The following PSG6 variants were observed in gnomAD, a reference collection of about 807,000 sequenced individuals.
PSG6 encodes the protein pregnancy specific beta-1-glycoprotein 6, also known as pregnancy-specific beta-1-glycoprotein 6.
In PSG6, 51 loss-of-function variants were observed where a neutral mutation model predicts 43.3. That is an observed-to-expected ratio of 1.18 (90% CI 0.94 to 1.49). The LOEUF is 1.49. Among genes scored for constraint, PSG6 ranks in the 40% most tolerant of loss-of-function variants. The pLI, the probability that PSG6 is intolerant of heterozygous loss-of-function variation, is 0.00. For synonymous variants in PSG6, 292 were observed against 197.6 expected, an observed-to-expected ratio of 1.48 and a Z score of -4.01; for missense variants, 770 against 522.2, an observed-to-expected ratio of 1.47 and a Z score of -4.62.
At chr19:42,910,300 C>T in intron 3 of PSG6, 1 of 794,574 alleles carries the variant, frequency 1.3e-6, no homozygotes, top group East Asian at 3.0e-5. Flanking sequence ...CAGCCAAATC[C>T]CCGCTGTGTT....
chr19:42,909,118 A>G (rs771594031), intron 3 of PSG6, among the ~76,000 whole-genome samples: 1 of 151,776 alleles, frequency 6.6e-6, no homozygotes, highest in African/African-American at 2.4e-5. Flanking sequence ...TGAAAGATTC[A>G]AAATGTAAAA....
At chr19:42,905,257 G>C (rs1972093702) in intron 5 of PSG6, among the ~76,000 whole-genome samples, 1 of 151,780 alleles carries the variant, frequency 6.6e-6, no homozygotes, top group Admixed American at 6.6e-5. Flanking sequence ...AAATAAAATG[G>C]ATAAATCAGA....
intron 3 of PSG6, chr19:42,910,206 T>C: frequency 2.5e-6 from 1 of 394,410 alleles, no homozygotes; most frequent in South Asian, 2.8e-5. Context: ...ACAGGCGATA[T>C]TGTCAGAGGG....
Position 42,907,778 on chromosome 19 carries a change from A to G in PSG6, c.783T>C (p.Cys261=), listed in dbSNP as rs547603021. 1.2e-6 allele frequency: 2 copies of G among 1,611,116 alleles called. No homozygotes were observed. Among genetic ancestry groups the G allele is most frequent in the Non-Finnish European group, 8.5e-7 (1 of 1,179,126 alleles). Residue 261 remains cysteine, a synonymous_variant, in exon 4 of 6, where the codon TGT becomes TGC. Transcript: ENST00000187910. ...AGGTGTAGTTCCGACTCTTAGGTTCACAGGTGAAGGCTAACACATCCTTCT... is the reference window on the plus strand; with the variant it reads ...AGGTGTAGTTCCGACTCTTAGGTTCGCAGGTGAAGGCTAACACATCCTTCT... ...REKKDVLAFT[C]EPKSRNYTYI...
intron 2 of PSG6, among the ~76,000 whole-genome samples, chr19:42,913,825 G>T (rs1328974139): frequency 6.6e-6 from 1 of 151,488 alleles, no homozygotes; most frequent in Non-Finnish European, 1.5e-5. Context: ...AGCACTAACA[G>T]ATCATTTCCC....
chr19:42,914,569 A>G (rs10408003), intron 2 of PSG6, among the ~76,000 whole-genome samples: 2,639 of 148,972 alleles, frequency 0.018, 85 homozygotes, highest in African/African-American at 0.062. Context: ...TGGCCAAAGA[A>G]CTTCAGAGTT....
intron 5 of PSG6, 40 bp from the exon 6 acceptor site, chr19:42,902,486 A>C (rs1204255426): frequency 1.2e-6 from 2 of 1,605,848 alleles, no homozygotes; most frequent in Non-Finnish European, 1.7e-6. Context: ...TTTCAAATTC[A>C]CTACCTCCTT....
intron 1 of PSG6, among the ~76,000 whole-genome samples, chr19:42,916,971 T>C (rs1428113207): frequency 2.0e-5 from 3 of 151,492 alleles, no homozygotes; most frequent in African/African-American, 7.3e-5. Context: ...GTGTGAGCTC[T>C]GTGAGGACAG....
intron 5 of PSG6, among the ~76,000 whole-genome samples, chr19:42,902,900 C>T (rs916022039): frequency 4.0e-5 from 6 of 151,494 alleles, no homozygotes; most frequent in South Asian, 2.1e-4. Context: ...TATGTGTTAC[C>T]GCTTTTTTCA....
rs143212498 is a variant in PSG6, at chr19:42,907,016, T to A, written c.1146A>T (p.Gln382His). The change falls in exon 5 of 6, where the codon CAA (glutamine) becomes CAT (histidine). Residue 382 changes from glutamine (Q) to histidine (H), a missense_variant. Physicochemically the swap from Gln to His is conservative, Grantham distance 24. Transcript: ENST00000187910. Reference sequence around the variant, plus strand: ...AGAGCCCGCTATGATTTGTAGTAATTTGGGGGATAAAGAGCTTTTGTCCTG... The same window carrying A: ...AGAGCCCGCTATGATTTGTAGTAATATGGGGGATAAAGAGCTTTTGTCCTG... ...QLSGQKLFIP[Q>H]ITTNHSGLYA... 9.3e-6 allele frequency: 15 copies of A among 1,612,342 alleles called. 1 individual carries two copies. In the East Asian group the frequency reaches 2.7e-4, roughly 29 times the overall value.
At chr19:42,911,591 C>T (rs1568445621) in intron 2 of PSG6, among the ~76,000 whole-genome samples, 1 of 151,684 alleles carries the variant, frequency 6.6e-6, no homozygotes, top group Non-Finnish European at 1.5e-5. Flanking sequence ...GTTCTGGGTC[C>T]ATGATGCTCC....
At chr19:42,907,506 A>C in intron 4 of PSG6, 70 bp downstream of exon 4, 5 of 1,595,418 alleles carry the variant, frequency 3.1e-6, no homozygotes, top group Non-Finnish European at 3.4e-6. Flanking sequence ...AGAGAGACTG[A>C]GAGGCCTGGC....
chr19:42,913,122 A>G (rs1033034719), intron 2 of PSG6, among the ~76,000 whole-genome samples: 2 of 151,498 alleles, frequency 1.3e-5, no homozygotes, highest in Non-Finnish European at 2.9e-5. Context: ...TGTGCGGTCT[A>G]TCAGTAAGCA....
intron 5 of PSG6, among the ~76,000 whole-genome samples, chr19:42,906,132 C>T (rs1972107565): frequency 6.6e-6 from 1 of 151,576 alleles, no homozygotes; most frequent in Admixed American, 6.6e-5. Flanking sequence ...CCATGCAGAG[C>T]CCCAGGGGTG....
chr19:42,908,682 G>T (rs563295545), intron 3 of PSG6, among the ~76,000 whole-genome samples: 2 of 151,886 alleles, frequency 1.3e-5, no homozygotes, highest in South Asian at 2.1e-4. Context: ...GCAGAACTGA[G>T]TGGTGGAAAG....
At chr19:42,909,645 A>G (rs933574152) in intron 3 of PSG6, 1 of 151,736 alleles carries the variant, frequency 6.6e-6, no homozygotes, top group Admixed American at 6.6e-5. Context: ...GGTTAAACTT[A>G]TTCCAAAATA....
intron 1 of PSG6, among the ~76,000 whole-genome samples, chr19:42,916,936 C>T (rs1972347862): frequency 6.6e-6 from 1 of 151,410 alleles, no homozygotes; most frequent in African/African-American, 2.4e-5. Context: ...TATCTCTTTG[C>T]ATGTCTGTCT....
At chr19:42,916,926 T>C (rs8101498) in intron 1 of PSG6, among the ~76,000 whole-genome samples, 3 of 151,130 alleles carry the variant, frequency 2.0e-5, no homozygotes, top group Non-Finnish European at 4.4e-5. Context: ...TCACATTCTA[T>C]ATCTCTTTGC....
chr19:42,913,676 A>G (rs1972269739), intron 2 of PSG6, among the ~76,000 whole-genome samples: 1 of 151,716 alleles, frequency 6.6e-6, no homozygotes, highest in African/African-American at 2.4e-5. Context: ...TCCTATAGAT[A>G]ACATCACTAT....
Sources: allele counts gnomAD v4.1 joint callset (sites outside exome capture counted in the v4.1 genomes callset), GRCh38; gene constraint gnomAD v4.1.1; transcripts MANE v1.5; gene names NCBI Gene and HGNC (gene_info 2026-07-23, HGNC 2026-07-21).